SOX5: variants seen among roughly 807,000 people sequenced by gnomAD.
The protein encoded by SOX5 is SRY-box transcription factor 5.
In SOX5, 9 loss-of-function variants were observed where a neutral mutation model predicts 92.0. The ratio of observed to expected loss-of-function variants is 0.10; its 90% CI spans 0.06 to 0.17. SOX5 has a LOEUF of 0.17. Among genes scored for constraint, SOX5 ranks in the 10% least tolerant of loss-of-function variants. The pLI, the probability that SOX5 is intolerant of heterozygous loss-of-function variation, is 1.00. For missense variants in SOX5, 642 were observed against 944.5 expected (o/e 0.68, Z 4.20); for synonymous variants, 344 against 336.3 (o/e 1.02, Z -0.25).
chr12:24,438,566 T>C (rs562260960), intron 1 of SOX5, among the ~76,000 whole-genome samples: 1 of 152,094 alleles, frequency 6.6e-6, no homozygotes, highest in African/African-American at 2.4e-5. Context: ...TTAAGAGCAT[T>C]TGTGGTTCAT....
At chr12:23,667,038 G>A (rs1593105845) in intron 6 of SOX5, among the ~76,000 whole-genome samples, 2 of 151,920 alleles carry the variant, frequency 1.3e-5, no homozygotes, top group East Asian at 3.9e-4. Flanking sequence ...TGAGATTTTG[G>A]TTGGTGAGTG....
chr12:24,377,436 C>T (rs1236120115), intron 1 of SOX5, among the ~76,000 whole-genome samples: 1 of 152,192 alleles, frequency 6.6e-6, no homozygotes, highest in Non-Finnish European at 1.5e-5. Context: ...AAATATTTAA[C>T]ATAACCATTT....
intron 1 of SOX5, among the ~76,000 whole-genome samples, chr12:24,465,066 A>G (rs1944077444): frequency 6.6e-6 from 1 of 152,210 alleles, no homozygotes; most frequent in African/African-American, 2.4e-5. Flanking sequence ...ACCATTGAGT[A>G]CCATGTGCCA....
At chr12:24,048,656 C>G (rs899159963) in intron 4 of SOX5, among the ~76,000 whole-genome samples, 1 of 152,150 alleles carries the variant, frequency 6.6e-6, no homozygotes, top group Non-Finnish European at 1.5e-5. Flanking sequence ...TATATCCATT[C>G]AATGGAATAT....
chr12:23,801,075 A>T (rs563028300), intron 3 of SOX5, among the ~76,000 whole-genome samples: 1 of 152,326 alleles, frequency 6.6e-6, no homozygotes, highest in African/African-American at 2.4e-5. Context: ...CACAAAACGC[A>T]GATGAGAAGC....
chr12:24,223,879 G>C (rs1961179266), intron 3 of SOX5, among the ~76,000 whole-genome samples: 1 of 152,180 alleles, frequency 6.6e-6, no homozygotes, highest in Non-Finnish European at 1.5e-5. Context: ...TCGACCTATT[G>C]TTAGAGATGC....
At chr12:24,007,275 G>A (rs372859609) in intron 4 of SOX5, among the ~76,000 whole-genome samples, 73 of 292 alleles carry the variant, frequency 0.25, 32 homozygotes, top group Non-Finnish European at 0.8. Context: ...ATATATAAAT[G>A]TATATAAATG....
Position 24,210,213 on chromosome 12 carries a change from C to T in SOX5, c.-2+3130G>A, listed in dbSNP as rs1189891324. ...TAATGTAAGTAACTCTTTATTCACC[C>T]ATTTTCTCTTTATTACCTAATATGT... On this transcript the variant is annotated intron_variant, in intron 4 of 4. Transcript: ENST00000446891. 5.3e-5 allele frequency among the ~76,000 whole-genome samples: 8 copies of T among 151,906 alleles called. No homozygotes were observed. The East Asian group carries it at 1.5e-3, about 29-fold the overall frequency.
In SOX5 at chr12:23,972,600, C is replaced by A. The variant is rs572792479; in HGVS notation, c.-1-76576G>T. ...TCTCGAACTCCTAACCTCAGGTGAT[C>A]CACCCACCTCAGCCTCCCAAAGTGC... is the stretch of plus-strand genomic sequence containing the variant. On this transcript the variant is annotated intron_variant, in intron 4 of 4. Transcript: ENST00000446891. 5.3e-5 allele frequency among the ~76,000 whole-genome samples: 8 copies of A among 152,192 alleles called. No individual in the cohort carries two copies. In the South Asian group the frequency reaches 1.7e-3, roughly 32 times the overall value.
intron 4 of SOX5, among the ~76,000 whole-genome samples, chr12:23,956,681 A>T (rs972411840): frequency 1.5e-5 from 2 of 135,234 alleles, no homozygotes; most frequent in African/African-American, 5.2e-5. Flanking sequence ...GTCTTGCCTA[A>T]GTCTTTTTTT....
chr12:23,911,585 G>A (rs200038843), intron 1 of SOX5, among the ~76,000 whole-genome samples: 1 of 151,980 alleles, frequency 6.6e-6, no homozygotes, highest in East Asian at 1.9e-4. Context: ...CTCTGGAAAT[G>A]TTTTTTTAAA....
chr12:24,158,229 TACC>T (rs1420307856), intron 4 of SOX5, among the ~76,000 whole-genome samples: 2 of 152,038 alleles, frequency 1.3e-5, no homozygotes, highest in African/African-American at 4.8e-5. Context: ...TATTGCTTTA[TACC>T]ACAATAGCTA....
chr12:24,286,341 A>T (rs1307120225), intron 2 of SOX5, among the ~76,000 whole-genome samples: 1 of 152,212 alleles, frequency 6.6e-6, no homozygotes, highest in African/African-American at 2.4e-5. Flanking sequence ...ATCAACCCAG[A>T]GCATAGTGTG....
intron 4 of SOX5, among the ~76,000 whole-genome samples, chr12:24,174,750 G>A (rs1483462193): frequency 6.6e-6 from 1 of 151,988 alleles, no homozygotes; most frequent in Non-Finnish European, 1.5e-5. Context: ...GAACCAGGAG[G>A]CAAAGGTTGC....
At chr12:24,428,843 T>C (rs1486490029) in intron 1 of SOX5, among the ~76,000 whole-genome samples, 1 of 149,170 alleles carries the variant, frequency 6.7e-6, no homozygotes, top group Non-Finnish European at 1.5e-5. Flanking sequence ...GACAGCATAG[T>C]GAGCCGGTTA....
intron 2 of SOX5, among the ~76,000 whole-genome samples, chr12:23,882,006 G>A (rs991391291): frequency 6.6e-6 from 1 of 152,128 alleles, no homozygotes; most frequent in African/African-American, 2.4e-5. Context: ...AAAGTGACAA[G>A]TCAAGGTTTT....
intron 9 of SOX5, among the ~76,000 whole-genome samples, chr12:23,597,851 A>G (rs978785883): frequency 6.6e-6 from 1 of 152,240 alleles, no homozygotes; most frequent in African/African-American, 2.4e-5. Flanking sequence ...CTAGCATTTA[A>G]GTGATATGCC....
At chr12:24,223,801 A>G (rs1293787780) in intron 3 of SOX5, among the ~76,000 whole-genome samples, 1 of 151,952 alleles carries the variant, frequency 6.6e-6, no homozygotes, top group Non-Finnish European at 1.5e-5. Flanking sequence ...AAACAAACAA[A>G]CAAAAAAACA....
intron 3 of SOX5, among the ~76,000 whole-genome samples, chr12:24,214,549 A>G (rs967908806): frequency 2.0e-5 from 3 of 152,104 alleles, no homozygotes; most frequent in African/African-American, 7.2e-5. Context: ...ACATTATATG[A>G]CTTCAAGATG....
Sources: allele counts gnomAD v4.1 joint callset (sites outside exome capture counted in the v4.1 genomes callset), GRCh38; gene constraint gnomAD v4.1.1; transcripts MANE v1.5; gene names NCBI Gene and HGNC (gene_info 2026-07-23, HGNC 2026-07-21).